The following CIP2A variants were observed in gnomAD, a reference collection of about 807,000 sequenced individuals.
The protein encoded by CIP2A is protein CIP2A.
Under a neutral mutation model 110.9 loss-of-function variants are expected in CIP2A, and 103 were observed. That is an observed-to-expected ratio of 0.93 (90% CI 0.79 to 1.09). CIP2A has a LOEUF of 1.09. Among genes scored for constraint, CIP2A ranks in the 50% least tolerant of loss-of-function variants. CIP2A has a pLI of 0.00. For synonymous variants in CIP2A, 381 were observed against 361.6 expected, an observed-to-expected ratio of 1.05 and a Z score of -0.61; for missense variants, 1,088 against 1,038.4, an observed-to-expected ratio of 1.05 and a Z score of -0.66.
Position 108,557,146 on chromosome 3 carries a change from G to A in CIP2A, c.2210+72C>T, listed in dbSNP as rs373191062. 61 of 928,582 alleles carry A rather than the reference G, an allele frequency of 6.6e-5. No individual in the cohort carries two copies. In the African/African-American group the frequency reaches 7.7e-4, roughly 12 times the overall value. The allele number at this position is 928,582 out of a possible 1,614,324, so 57.5% of individuals were successfully genotyped here. A position where few individuals can be genotyped will look rare whatever the true frequency, so the allele number is the denominator to read the frequency against. On this transcript the variant is annotated intron_variant, in intron 17 of 20. Coordinates refer to ENST00000295746, the MANE Select transcript of CIP2A (RefSeq NM_020890.3). ...ATGAAATGCTTACAAAAGGATTTTC[G>A]GGTCTCAGAAAAGAAATGCTGCATG...
Position 108,576,339 on chromosome 3 carries a change from G to A in CIP2A, c.826C>T (p.His276Tyr). Residue 276 changes from histidine (H) to tyrosine (Y), a missense_variant, in exon 8 of 21, where the codon CAC (histidine) becomes TAC (tyrosine). Coordinates refer to ENST00000295746, the MANE Select transcript of CIP2A (RefSeq NM_020890.3). Reference protein sequence around the residue: ...KIADYLTRYEHFSSCLHQVLG... With the variant: ...KIADYLTRYEYFSSCLHQVLG... ...ACTTGGTGAAGACATGAAGAAAAGT[G>A]CTCATATCTAGGTTTAGAATAAAAA... 2.0e-6 allele frequency: 3 copies of A among 1,530,868 alleles called. No homozygotes were observed. Among genetic ancestry groups the A allele is most frequent in the Non-Finnish European group, 2.7e-6 (3 of 1,125,744 alleles). The allele number at this position is 1,530,868 out of a possible 1,614,324, so 94.8% of individuals were successfully genotyped here. A position where few individuals can be genotyped will look rare whatever the true frequency, so the allele number is the denominator to read the frequency against.
At chr3:108,556,716 G>T (rs1011709535) in intron 17 of CIP2A, among the ~76,000 whole-genome samples, 2 of 152,034 alleles carry the variant, frequency 1.3e-5, no homozygotes, top group Non-Finnish European at 2.9e-5. Flanking sequence ...TATAATCAAG[G>T]ATATTAAGAG....
intron 13 of CIP2A, 29 bp downstream of exon 13, chr3:108,563,097 G>C (rs773539069): frequency 2.8e-6 from 4 of 1,405,466 alleles, no homozygotes; most frequent in Non-Finnish European, 4.0e-6. Flanking sequence ...AACACCACAA[G>C]AGATACACTG....
At position 108,565,295 on chromosome 3, in the gene CIP2A, A is replaced by G. The variant is rs113035524; in HGVS notation, c.1515+60T>C. The G allele has an allele frequency of 4.4e-3, 3,565 of 808,672 alleles. 104 individuals carry two copies. In the African/African-American group the frequency reaches 0.055, roughly 13 times the overall value. The allele number at this position is 808,672 out of a possible 1,614,324, so 50.1% of individuals were successfully genotyped here. On this transcript the variant is annotated intron_variant, in intron 12 of 20. Coordinates refer to ENST00000295746, the MANE Select transcript of CIP2A (RefSeq NM_020890.3). ...AAAGATTAAGAATATTAAAACAGAA[A>G]CTTATATTAGGACCATTTATGTATG...
chr3:108,588,814 T>G (rs1385291125), intron 1 of CIP2A, among the ~76,000 whole-genome samples: 1 of 152,222 alleles, frequency 6.6e-6, no homozygotes, highest in Non-Finnish European at 1.5e-5. Flanking sequence ...AATGTTGAAA[T>G]AATGTTTTTC....
In CIP2A at chr3:108,589,355, C is replaced by T. The variant is rs781277525; in HGVS notation, c.21G>A (p.Leu7=). Residue 7 remains leucine, a synonymous_variant, in exon 1 of 21, where the codon TTG becomes TTA. Coordinates refer to ENST00000295746, the MANE Select transcript of CIP2A (RefSeq NM_020890.3). ...GACTGACAGTCAGGAGCAAGGACTTCAAGCAGGCAGTGGAGTCCATTGCAC... is the reference window on the plus strand; with the variant it reads ...GACTGACAGTCAGGAGCAAGGACTTTAAGCAGGCAGTGGAGTCCATTGCAC... MDSTAC[L]KSLLLTVSQY... is the part of the protein sequence containing the mutation. 1 of 1,613,702 alleles carries T rather than the reference C, an allele frequency of 6.2e-7. No individual in the cohort carries two copies. Among genetic ancestry groups the T allele is most frequent in the Non-Finnish European group, 8.5e-7 (1 of 1,179,786 alleles).
At chr3:108,557,857 A>G (rs1255105203) in intron 16 of CIP2A, among the ~76,000 whole-genome samples, 1 of 152,146 alleles carries the variant, frequency 6.6e-6, no homozygotes, top group Non-Finnish European at 1.5e-5. Context: ...ATAATCAAAG[A>G]ATGTAACCTA....
rs770314946 is a variant in CIP2A at position 108,569,381 on chromosome 3, C to A, written c.1113+8G>T. The A allele has an allele frequency of 6.3e-7, 1 of 1,592,998 alleles. No homozygotes were observed. Among genetic ancestry groups the A allele is most frequent in the Non-Finnish European group, 8.6e-7 (1 of 1,161,822 alleles). On this transcript the variant is annotated splice_region_variant and intron_variant, in intron 9 of 20. Transcript: ENST00000295746. The stretch of plus-strand genomic sequence containing the variant: ...GTAGAAAAGTCAATCTGTCAGTCAT[C>A]CTATTACCTCAAATATTTCCTTGAA...
intron 19 of CIP2A, among the ~76,000 whole-genome samples, chr3:108,552,674 CA>C (rs1470040374): frequency 2.0e-5 from 3 of 152,186 alleles, no homozygotes; most frequent in Middle Eastern, 3.4e-3. Context: ...CAAGTGAGAA[CA>C]AAAATGTTTT....
intron 13 of CIP2A, among the ~76,000 whole-genome samples, chr3:108,562,186 G>C (rs1323178931): frequency 6.6e-6 from 1 of 152,140 alleles, no homozygotes; most frequent in African/African-American, 2.4e-5. Flanking sequence ...ATTCTGAAAA[G>C]TGGAATCGCT....
At position 108,585,133 on chromosome 3, in the gene CIP2A, T is replaced by C; in HGVS notation, c.182A>G (p.Glu61Gly). 6.2e-7 allele frequency: 1 copy of C among 1,613,608 alleles called. No individual in the cohort carries two copies. The highest frequency in any genetic ancestry group is 8.5e-7 in the Non-Finnish European group (1 of 1,179,598). The change falls in exon 2 of 21, where the codon GAG (glutamate) becomes GGG (glycine). Residue 61 changes from glutamate to glycine, a missense_variant. By Grantham distance (98) the Glu-to-Gly change is moderately conservative. Transcript: ENST00000295746. ...ACTTATGTTGGGGTCTTCAAGTAGC[T>C]CTACAAGGCAACTCAAGCATTCACT... ...LTSECLSCLV[E>G]LLEDPNISAS...
chr3:108,557,373 T>G lies in CIP2A; in HGVS notation c.2055A>C (p.Lys685Asn), dbSNP rs1937845772. Reference protein sequence around the residue: ...LASMLREVERKNEELSVLLKA... With the variant: ...LASMLREVERNNEELSVLLKA... Reference sequence around the variant, plus strand: ...TCAGCAACACACTAAGCTCTTCATTTTTTCTCTCAACTTCTCTCAACATAC... The same window carrying G: ...TCAGCAACACACTAAGCTCTTCATTGTTTCTCTCAACTTCTCTCAACATAC... Residue 685 changes from lysine (K) to asparagine (N), a missense_variant, in exon 17 of 21, where the codon AAA becomes AAC. Coordinates refer to ENST00000295746, the MANE Select transcript of CIP2A (RefSeq NM_020890.3). 1.2e-6 allele frequency: 2 copies of G among 1,608,488 alleles called. No individual in the cohort carries two copies. Among genetic ancestry groups the G allele is most frequent in the Admixed American group, 1.7e-5 (1 of 59,676 alleles).
Position 108,579,409 on chromosome 3 carries a change from G to A in CIP2A, c.690C>T (p.Asn230=), listed in dbSNP as rs1328530067. ...EVGEKLFHAR[N]IHQTFQLIFN... is the part of the protein sequence containing the mutation. ...ATATTAGTTGAAAAGTCTGATGAAT[G>A]TTTCGAGCATGGAATAGCTTAAGGA... The change falls in exon 7 of 21, where the codon AAC becomes AAT. Residue 230 remains asparagine (N), a synonymous_variant. Coordinates refer to ENST00000295746, the MANE Select transcript of CIP2A (RefSeq NM_020890.3). 4 of 1,608,688 alleles carry A rather than the reference G, an allele frequency of 2.5e-6. No homozygotes were observed. Among genetic ancestry groups the A allele is most frequent in the African/African-American group, 2.7e-5 (2 of 74,754 alleles).
At chr3:108,562,275 C>G (rs1938032186) in intron 13 of CIP2A, among the ~76,000 whole-genome samples, 3 of 152,110 alleles carry the variant, frequency 2.0e-5, no homozygotes, top group African/African-American at 7.2e-5. Context: ...ACTCAAGGAC[C>G]TATCTGGTCT....
At chr3:108,579,246 A>G (rs773493742) in intron 7 of CIP2A, 35 bp downstream of exon 7, 12 of 1,531,768 alleles carry the variant, frequency 7.8e-6, no homozygotes, top group South Asian at 1.2e-5. Flanking sequence ...GTTTAAAAAT[A>G]AAAAAGTTCT....
chr3:108,558,573 G>A (rs1333904118), intron 16 of CIP2A, among the ~76,000 whole-genome samples: 1 of 152,034 alleles, frequency 6.6e-6, no homozygotes, highest in Non-Finnish European at 1.5e-5. Flanking sequence ...ATGAGTGAGG[G>A]AAAAAAGAAT....
chr3:108,573,160 G>T (rs544708370), intron 8 of CIP2A, among the ~76,000 whole-genome samples: 108 of 151,794 alleles, frequency 7.1e-4, no homozygotes, highest in Non-Finnish European at 1.1e-3. Flanking sequence ...AATAAGACAT[G>T]ATCCTTTTTA....
chr3:108,567,790 G>T (rs930107244), intron 10 of CIP2A, among the ~76,000 whole-genome samples: 6 of 151,706 alleles, frequency 4.0e-5, no homozygotes, highest in African/African-American at 1.5e-4. Context: ...ACTACTGATC[G>T]TCCGTCCAGG....
At chr3:108,563,756 A>G (rs1397851944) in intron 12 of CIP2A, among the ~76,000 whole-genome samples, 5 of 152,062 alleles carry the variant, frequency 3.3e-5, no homozygotes, top group Non-Finnish European at 5.9e-5. Context: ...TCATCAACAT[A>G]TATCTAAAAT....
Sources: gnomAD v4.1 joint callset for allele counts (sites outside exome capture counted in the v4.1 genomes callset) on GRCh38, gnomAD v4.1.1 for gene constraint, MANE v1.5 for transcripts, NCBI Gene and HGNC (gene_info 2026-07-23, HGNC 2026-07-21) for gene names.